The following LRMDA variants were observed in gnomAD, a reference collection of about 807,000 sequenced individuals.
LRMDA encodes the protein leucine rich melanocyte differentiation associated, also known as leucine-rich melanocyte differentiation-associated protein.
LRMDA carries 18 observed loss-of-function variants against 29.8 expected under a neutral mutation model. That is an observed-to-expected ratio of 0.60 (90% CI 0.42 to 0.90). LRMDA has a LOEUF of 0.90. Among genes scored for constraint, LRMDA ranks in the 40% least tolerant of loss-of-function variants. LRMDA has a pLI of 0.00. For synonymous variants in LRMDA, 125 were observed against 109.4 expected, an observed-to-expected ratio of 1.14 and a Z score of -0.89; for missense variants, 273 against 273.9, an observed-to-expected ratio of 1.00 and a Z score of 0.02.
intron 5 of LRMDA, among the ~76,000 whole-genome samples, chr10:76,311,042 C>G (rs1003863934): frequency 6.6e-5 from 10 of 151,830 alleles, no homozygotes; most frequent in East Asian, 3.9e-4. Context: ...TTTTTTCAAC[C>G]CCTGGTACCT....
chr10:76,347,022 AT>A (rs1328907086), intron 6 of LRMDA, among the ~76,000 whole-genome samples: 1 of 152,218 alleles, frequency 6.6e-6, no homozygotes, highest in Non-Finnish European at 1.5e-5. Context: ...AAGCATGGAA[AT>A]AATGTCTAAT....
intron 2 of LRMDA, among the ~76,000 whole-genome samples, chr10:75,774,809 A>G (rs920731064): frequency 3.3e-5 from 5 of 152,234 alleles, no homozygotes; most frequent in Non-Finnish European, 7.3e-5. Flanking sequence ...CAGTTTTCCC[A>G]GATCCTTGAG....
intron 2 of LRMDA, among the ~76,000 whole-genome samples, chr10:75,513,333 C>G (rs2132033240): frequency 6.6e-6 from 1 of 152,304 alleles, no homozygotes; most frequent in East Asian, 1.9e-4. Context: ...GGCTTGCTTT[C>G]TTATTTGCAC....
chr10:75,944,160 G>A (rs574184304), intron 2 of LRMDA, among the ~76,000 whole-genome samples: 262 of 151,986 alleles, frequency 1.7e-3, no homozygotes, highest in African/African-American at 6.1e-3. Context: ...CTTCATTTTC[G>A]AAGAATATTT....
chr10:76,135,431 G>A (rs1318515567), intron 5 of LRMDA, among the ~76,000 whole-genome samples: 3 of 152,180 alleles, frequency 2.0e-5, no homozygotes, highest in African/African-American at 7.2e-5. Flanking sequence ...AACCCTTCAA[G>A]GCTTCTATCT....
At chr10:76,525,674 G>T (rs1050947778) in intron 6 of LRMDA, among the ~76,000 whole-genome samples, 2 of 152,048 alleles carry the variant, frequency 1.3e-5, no homozygotes, top group African/African-American at 4.8e-5. Flanking sequence ...TAGTCAGTAT[G>T]ATTTCTAGTC....
At chr10:75,488,352 G>A (rs1017199777) in intron 2 of LRMDA, among the ~76,000 whole-genome samples, 1 of 152,148 alleles carries the variant, frequency 6.6e-6, no homozygotes, top group East Asian at 1.9e-4. Context: ...TCAAAACATT[G>A]GAAGAAAATA....
intron 2 of LRMDA, among the ~76,000 whole-genome samples, chr10:75,632,793 T>G (rs1052984563): frequency 5.1e-5 from 7 of 137,220 alleles, no homozygotes; most frequent in Non-Finnish European, 7.8e-5. Context: ...TTTTTTTTTT[T>G]TTTTTTTTTT....
intron 2 of LRMDA, among the ~76,000 whole-genome samples, chr10:75,750,490 T>TG (rs1272550535): frequency 3.3e-5 from 1 of 30,542 alleles, no homozygotes; most frequent in Non-Finnish European, 6.6e-5. Context: ...GGGCGGGGGG[T>TG]GGGGGGCAGA....
chr10:76,314,021 T>G (rs571162053), intron 5 of LRMDA, among the ~76,000 whole-genome samples: 1 of 152,318 alleles, frequency 6.6e-6, no homozygotes, highest in African/African-American at 2.4e-5. Context: ...TTTTTCAATT[T>G]TTTTGTGCTA....
chr10:75,434,398 A>G (rs1448658947), intron 1 of LRMDA, among the ~76,000 whole-genome samples: 4 of 152,220 alleles, frequency 2.6e-5, no homozygotes, highest in African/African-American at 9.6e-5. Context: ...TAGGCATTTA[A>G]TAAATGTTGG....
chr10:75,548,747 A>T (rs774408277), intron 2 of LRMDA, among the ~76,000 whole-genome samples: 2 of 152,158 alleles, frequency 1.3e-5, no homozygotes, highest in Non-Finnish European at 1.5e-5. Context: ...GCCTATAAAA[A>T]AGATCTAAGT....
intron 2 of LRMDA, among the ~76,000 whole-genome samples, chr10:75,567,143 A>C (rs528493480): frequency 1.0e-3 from 151 of 150,892 alleles, no homozygotes; most frequent in African/African-American, 3.4e-3. Flanking sequence ...CTCTGCTATT[A>C]GTTATTTTTT....
At chr10:76,466,064 T>C (rs1250165916) in intron 6 of LRMDA, among the ~76,000 whole-genome samples, 1 of 152,138 alleles carries the variant, frequency 6.6e-6, no homozygotes, top group Admixed American at 6.5e-5. Flanking sequence ...GTTCAGCCTG[T>C]AACAAACAGA....
intron 5 of LRMDA, among the ~76,000 whole-genome samples, chr10:76,093,532 T>C (rs999380884): frequency 4.6e-5 from 7 of 152,244 alleles, no homozygotes; most frequent in African/African-American, 1.7e-4. Flanking sequence ...AATCAAGCCT[T>C]GTCGAATGTT....
intron 2 of LRMDA, among the ~76,000 whole-genome samples, chr10:75,808,514 T>G (rs1843898745): frequency 6.6e-6 from 1 of 152,154 alleles, no homozygotes; most frequent in Non-Finnish European, 1.5e-5. Context: ...TGTTCACACT[T>G]TTTTTGTTGT....
chr10:76,396,435 C>T (rs1232254297), intron 6 of LRMDA: 2 of 152,226 alleles, frequency 1.3e-5, no homozygotes, highest in Non-Finnish European at 2.9e-5. Context: ...TATAGCCACT[C>T]ACGTGCACTC....
chr10:75,855,748 G>A (rs1468059284), intron 2 of LRMDA, among the ~76,000 whole-genome samples: 1 of 152,160 alleles, frequency 6.6e-6, no homozygotes, highest in Non-Finnish European at 1.5e-5. Context: ...TGTATAAGGT[G>A]TAAGGAAGGG....
chr10:76,249,958 A>G (rs1427532466), intron 5 of LRMDA, among the ~76,000 whole-genome samples: 1 of 152,074 alleles, frequency 6.6e-6, no homozygotes, highest in African/African-American at 2.4e-5. Context: ...ATGTGCCACC[A>G]CGCCTGGCTA....
Sources: allele counts gnomAD v4.1 joint callset (sites outside exome capture counted in the v4.1 genomes callset), GRCh38; gene constraint gnomAD v4.1.1; transcripts MANE v1.5; gene names NCBI Gene and HGNC (gene_info 2026-07-23, HGNC 2026-07-21).